The following DPYSL2 variants were observed in gnomAD, a reference collection of about 807,000 sequenced individuals.
DPYSL2 encodes the protein dihydropyrimidinase-related protein 2.
DPYSL2 carries 13 observed loss-of-function variants against 69.9 expected under a neutral mutation model. The observed-to-expected ratio is 0.19, with a 90% CI of 0.12 to 0.30. The LOEUF (loss-of-function observed/expected upper bound fraction) is 0.30. Ranked by LOEUF, DPYSL2 falls within the 10% of genes least tolerant of loss-of-function variation. The probability of loss-of-function intolerance (pLI) is 1.00; values close to 1 mark genes in which losing one functional copy is unlikely to be tolerated. For missense variants in DPYSL2, 587 were observed against 918.9 expected, an observed-to-expected ratio of 0.64 and a Z score of 4.67; for synonymous variants, 326 against 359.1, an observed-to-expected ratio of 0.91 and a Z score of 1.04.
At chr8:26,545,349 A>G (rs919328780) in intron 1 of DPYSL2, among the ~76,000 whole-genome samples, 1 of 152,238 alleles carries the variant, frequency 6.6e-6, no homozygotes. Flanking sequence ...ACTAACCTAT[A>G]ACAGCAAGAA....
rs187168563 is a variant in DPYSL2, at chr8:26,514,989, G to A, written c.354+310G>A. On this transcript the variant is annotated intron_variant, in intron 1 of 13. Transcript: ENST00000521913. This position sits in a 1 kb window ranked among gnomAD's most constrained non-coding sequence, Gnocchi z 8.4. ...GGTCGTCTGGGAGGGGGTTGGCCGC[G>A]GTTCCATTCTTCTGAAACCCTCCCG... is the stretch of plus-strand genomic sequence containing the variant. Among the ~76,000 whole-genome samples the A allele has an allele frequency of 0.016, 2,434 of 152,324 alleles. 52 individuals are homozygous for A. The highest frequency in any genetic ancestry group is 0.055 in the African/African-American group (2,294 of 41,576).
At chr8:26,566,716 T>C (rs1252596532) in intron 1 of DPYSL2, among the ~76,000 whole-genome samples, 3 of 152,162 alleles carry the variant, frequency 2.0e-5, no homozygotes, top group East Asian at 1.9e-4. Context: ...TGGTTGTAAA[T>C]TTCATGCTTT....
intron 8 of DPYSL2, among the ~76,000 whole-genome samples, chr8:26,636,944 G>T (rs1051558439): frequency 2.6e-4 from 40 of 152,172 alleles, no homozygotes; most frequent in African/African-American, 8.4e-4. Context: ...GTTTCACCAT[G>T]TTGACCAGGC....
chr8:26,607,515 C>T lies in DPYSL2; in HGVS notation c.629-16628C>T, dbSNP rs546598849. Among the ~76,000 whole-genome samples, 247 of 114,082 alleles carry T rather than the reference C, an allele frequency of 2.2e-3. 1 individual carries two copies. Among genetic ancestry groups the T allele is most frequent in the African/African-American group, 7.1e-3 (210 of 29,606 alleles). 74.8% of individuals were successfully genotyped at this position (114,082 alleles called of 152,430 possible). A position where few individuals can be genotyped will look rare whatever the true frequency, so the allele number is the denominator to read the frequency against. ...AAAAAAAAATCATTGTGGGGCTGGG[C>T]GTGATGGCTCACACCTGTTATCCCA... On this transcript the variant is annotated intron_variant, in intron 3 of 13. Transcript: ENST00000521913.
intron 1 of DPYSL2, among the ~76,000 whole-genome samples, chr8:26,524,136 A>C (rs1459934135): frequency 6.6e-6 from 1 of 152,206 alleles, no homozygotes; most frequent in Non-Finnish European, 1.5e-5. Flanking sequence ...ATTCCCAACA[A>C]CAGTTCCCAA....
At chr8:26,569,674 A>G (rs62491885) in intron 1 of DPYSL2, among the ~76,000 whole-genome samples, 1,984 of 152,308 alleles carry the variant, frequency 0.013, 26 homozygotes, top group Middle Eastern at 0.078. Context: ...CCAAATTATA[A>G]TTGTTGCTAT....
At chr8:26,515,035 G>A (rs1392542805) in intron 1 of DPYSL2, among the ~76,000 whole-genome samples, 1 of 152,244 alleles carries the variant, frequency 6.6e-6, no homozygotes, top group Non-Finnish European at 1.5e-5. Flanking sequence ...GATTGCAGCT[G>A]CGGCTGGGTG....
In DPYSL2 at chr8:26,598,944, C is replaced by T. The variant is rs1016174168; in HGVS notation, c.628+14961C>T. Among the ~76,000 whole-genome samples the T allele has an allele frequency of 6.6e-5, 10 of 152,210 alleles. No homozygotes were observed. On this transcript the variant is annotated intron_variant, in intron 3 of 13. Coordinates refer to ENST00000521913, the MANE Select transcript of DPYSL2 (RefSeq NM_001197293.3). The surrounding 1 kb of genome is among the most constrained non-coding windows in gnomAD (Gnocchi z 4.2). ...TAGCTGCGCAAGTGTCGTGCATGTG[C>T]GTTTGGCTCACACCCAGCGGGAGTG...
At chr8:26,530,107 C>T (rs1405253023) in intron 1 of DPYSL2, among the ~76,000 whole-genome samples, 5 of 99,902 alleles carry the variant, frequency 5.0e-5, no homozygotes, top group Non-Finnish European at 7.7e-5. Context: ...AGGGAAACTC[C>T]GTCTCCAAAA....
chr8:26,626,536 C>A lies in DPYSL2; in HGVS notation c.794-81C>A. On this transcript the variant is annotated intron_variant, in intron 4 of 13. Transcript: ENST00000521913. The surrounding 1 kb of genome is among the most constrained non-coding windows in gnomAD (Gnocchi z 4.3). ...ACACACACACACGTACACACACAGA[C>A]AGTATTATCACTTTCTTATCCCTTA... 1 of 1,220,906 alleles carries A rather than the reference C, an allele frequency of 8.2e-7. No homozygotes were observed. The allele number at this position is 1,220,906 out of a possible 1,614,324, so 75.6% of individuals were successfully genotyped here.
intron 1 of DPYSL2, among the ~76,000 whole-genome samples, chr8:26,518,986 G>C (rs116449114): frequency 6.6e-6 from 1 of 152,184 alleles, no homozygotes; most frequent in Non-Finnish European, 1.5e-5. Context: ...CAGCTAACCA[G>C]CATCTACCAT....
intron 1 of DPYSL2, among the ~76,000 whole-genome samples, chr8:26,526,901 G>A (rs1215858792): frequency 6.6e-6 from 1 of 152,198 alleles, no homozygotes; most frequent in Non-Finnish European, 1.5e-5. Context: ...GTGTCCTCTG[G>A]GTTGGGTGAT....
chr8:26,527,357 A>AT (rs1554531730), intron 1 of DPYSL2, among the ~76,000 whole-genome samples: 1 of 152,126 alleles, frequency 6.6e-6, no homozygotes, highest in Non-Finnish European at 1.5e-5. Context: ...TTTCCTGAAA[A>AT]TTTTTTTAAG....
Position 26,655,978 on chromosome 8 carries a change from C to A in DPYSL2, c.*272C>A, listed in dbSNP as rs1206023119. The A allele has an allele frequency of 5.9e-6, 2 of 337,902 alleles. No individual in the cohort carries two copies. Among genetic ancestry groups the A allele is most frequent in the African/African-American group, 2.1e-5 (1 of 47,690 alleles). The allele number at this position is 337,902 out of a possible 1,614,324, so 20.9% of individuals were successfully genotyped here. ...AGCTCATACAGGGAACCACACCCAA[C>A]ACTTAGACATGCGAACAAGCAGCCC... is the stretch of plus-strand genomic sequence containing the variant. On this transcript the variant is annotated 3_prime_UTR_variant, in exon 14 of 14. Coordinates refer to ENST00000521913, the MANE Select transcript of DPYSL2 (RefSeq NM_001197293.3).
chr8:26,515,783 C>G (rs575146787), intron 1 of DPYSL2, among the ~76,000 whole-genome samples: 7 of 152,218 alleles, frequency 4.6e-5, no homozygotes, highest in Admixed American at 1.3e-4. Context: ...ATAAGTCAAT[C>G]AATGAATGAT....
rs780092683 is a variant in DPYSL2 at position 26,653,187 on chromosome 8, C to G, written c.1777-45C>G. On this transcript the variant is annotated intron_variant, in intron 12 of 13. Transcript: ENST00000521913. This position sits in a 1 kb window ranked among gnomAD's most constrained non-coding sequence, Gnocchi z 5.7. ...CCAGGAGGGTTTCTAGAGAGGTATC[C>G]TCTGTGGCTGTGGCCTGAGCTGGGG... 1.9e-6 allele frequency: 3 copies of G among 1,598,556 alleles called. No homozygotes were observed. The highest frequency in any genetic ancestry group is 2.6e-6 in the Non-Finnish European group (3 of 1,171,244).
intron 1 of DPYSL2, among the ~76,000 whole-genome samples, chr8:26,576,885 CCG>C (rs1223959976): frequency 1.3e-5 from 2 of 152,218 alleles, no homozygotes; most frequent in Non-Finnish European, 2.9e-5. Flanking sequence ...GCAGCTGCCC[CCG>C]ACAGCGCTGC....
At chr8:26,518,149 G>T (rs554625416) in intron 1 of DPYSL2, among the ~76,000 whole-genome samples, 1 of 152,182 alleles carries the variant, frequency 6.6e-6, no homozygotes, top group Non-Finnish European at 1.5e-5. Flanking sequence ...CCAGAGATCC[G>T]TGTCTGATAA....
rs1803408425 is a variant in DPYSL2, at chr8:26,657,022, T to C, written c.*1316T>C. 1.3e-5 allele frequency: 2 copies of C among 152,234 alleles called. No homozygotes were observed. Among genetic ancestry groups the C allele is most frequent in the South Asian group, 4.1e-4 (2 of 4,830 alleles). The allele number at this position is 152,234 out of a possible 1,614,324, so 9.4% of individuals were successfully genotyped here. A position where few individuals can be genotyped will look rare whatever the true frequency, so the allele number is the denominator to read the frequency against. ...TTCCTGGTTAAGTATCTTTTGAGAT[T>C]CTAGAACACATGGGAGCTTTTTATT... On this transcript the variant is annotated 3_prime_UTR_variant, in exon 14 of 14. Transcript: ENST00000521913.
Sources: allele counts gnomAD v4.1 joint callset (sites outside exome capture counted in the v4.1 genomes callset), GRCh38; gene constraint gnomAD v4.1.1; non-coding constraint Gnocchi (gnomAD v3.1); transcripts MANE v1.5; gene names NCBI Gene and HGNC (gene_info 2026-07-23, HGNC 2026-07-21).